The following UBE2D3 variants were observed in gnomAD, a reference collection of about 807,000 sequenced individuals.
UBE2D3 encodes the protein ubiquitin conjugating enzyme E2 D3, also known as ubiquitin-conjugating enzyme E2 D3.
UBE2D3 carries 2 observed loss-of-function variants against 22.8 expected under a neutral mutation model. The ratio of observed to expected loss-of-function variants is 0.09; its 90% CI spans 0.04 to 0.28. UBE2D3 has a LOEUF of 0.28. UBE2D3 is among the 10% of genes least tolerant of loss of function. UBE2D3 has a pLI of 1.00. For synonymous variants in UBE2D3, 56 were observed against 60.4 expected, an observed-to-expected ratio of 0.93 and a Z score of 0.34; for missense variants, 27 against 182.5, an observed-to-expected ratio of 0.15 and a Z score of 4.91.
At chr4:102,808,358 C>T (rs973392407) in intron 4 of UBE2D3, among the ~76,000 whole-genome samples, 5 of 152,094 alleles carry the variant, frequency 3.3e-5, no homozygotes, top group African/African-American at 1.2e-4. Flanking sequence ...ATATTGCTAC[C>T]AAATTAGATA....
intron 2 of UBE2D3, among the ~76,000 whole-genome samples, chr4:102,826,257 T>C (rs1730473489): frequency 6.6e-6 from 1 of 151,924 alleles, no homozygotes; most frequent in African/African-American, 2.4e-5. Flanking sequence ...TTTGCACCGA[T>C]TCCACTGAAG....
intron 1 of UBE2D3, among the ~76,000 whole-genome samples, chr4:102,845,308 A>G (rs1731990910): frequency 6.6e-6 from 1 of 152,226 alleles, no homozygotes; most frequent in South Asian, 2.1e-4. Context: ...GCTTAGGGCA[A>G]TGATTCCCCC....
chr4:102,808,887 T>C (rs1458721822), intron 4 of UBE2D3, among the ~76,000 whole-genome samples: 1 of 152,146 alleles, frequency 6.6e-6, no homozygotes, highest in Non-Finnish European at 1.5e-5. Flanking sequence ...ATTCTAAATA[T>C]TACTTACTGA....
At chr4:102,801,306 A>G (rs1435436766) in intron 6 of UBE2D3, 148 bp downstream of exon 6, 5 of 638,010 alleles carry the variant, frequency 7.8e-6, no homozygotes, top group Middle Eastern at 4.6e-4. Context: ...AATCAACACC[A>G]CTAAAAGAAC....
At chr4:102,856,154 C>T (rs924727769) in intron 1 of UBE2D3, among the ~76,000 whole-genome samples, 1 of 152,222 alleles carries the variant, frequency 6.6e-6, no homozygotes, top group African/African-American at 2.4e-5. Context: ...TCACTTAAGG[C>T]CAGGAGTTCA....
chr4:102,827,678 A>C, upstream of UBE2D3: 1 of 985,916 alleles, frequency 1.0e-6, no homozygotes, highest in Non-Finnish European at 1.2e-6. Flanking sequence ...CTTGCTTCCC[A>C]CGTCCGGGGC....
At chr4:102,864,206 T>G (rs993401326) in intron 1 of UBE2D3, among the ~76,000 whole-genome samples, 3 of 152,202 alleles carry the variant, frequency 2.0e-5, no homozygotes, top group Non-Finnish European at 2.9e-5. Context: ...GAATCAGAAT[T>G]GTAGTCTAAA....
chr4:102,823,139 A>T (rs974707140), intron 2 of UBE2D3, among the ~76,000 whole-genome samples: 3 of 152,220 alleles, frequency 2.0e-5, no homozygotes, highest in African/African-American at 7.2e-5. Context: ...ATGAGACTGC[A>T]TTGTCTTAAC....
intron 2 of UBE2D3, among the ~76,000 whole-genome samples, chr4:102,820,842 TGTAA>T (rs973867866): frequency 2.6e-5 from 4 of 152,192 alleles, no homozygotes; most frequent in African/African-American, 9.6e-5. Context: ...TTAGGATTAA[TGTAA>T]GTATTTCATA....
intron 4 of UBE2D3, 62 bp from the exon 5 acceptor site, chr4:102,802,700 A>G (rs1726375152): frequency 1.5e-6 from 2 of 1,331,968 alleles, no homozygotes; most frequent in East Asian, 4.8e-5. Context: ...ATTCCGTAAC[A>G]TTTGTTTCCA....
At chr4:102,828,612 A>G (rs1395120350), upstream of UBE2D3, among the ~76,000 whole-genome samples, 1 of 151,926 alleles carries the variant, frequency 6.6e-6, no homozygotes. Context: ...ATGTGGGAAC[A>G]AGCTTAAATT....
intron 2 of UBE2D3, among the ~76,000 whole-genome samples, chr4:102,817,317 A>G (rs893407755): frequency 6.6e-6 from 1 of 152,232 alleles, no homozygotes; most frequent in Non-Finnish European, 1.5e-5. Flanking sequence ...TCGAAATAGA[A>G]GACAAATGAG....
intron 4 of UBE2D3, among the ~76,000 whole-genome samples, chr4:102,804,518 A>C (rs760140856): frequency 1.3e-5 from 2 of 151,748 alleles, no homozygotes; most frequent in African/African-American, 2.4e-5. Context: ...TTAGAATGTG[A>C]CCTGAGTTTA....
intron 1 of UBE2D3, among the ~76,000 whole-genome samples, chr4:102,856,415 T>C (rs1308091380): frequency 1.3e-5 from 2 of 152,164 alleles, no homozygotes; most frequent in Non-Finnish European, 2.9e-5. Context: ...CATAGATAAA[T>C]AGCAGGTGGA....
chr4:102,847,399 C>T (rs1732091083), intron 1 of UBE2D3, among the ~76,000 whole-genome samples: 1 of 152,044 alleles, frequency 6.6e-6, no homozygotes, highest in Non-Finnish European at 1.5e-5. Context: ...GATTCTCATG[C>T]CTCAGCCTCC....
chr4:102,839,878 CA>C (rs1338129511), intron 1 of UBE2D3, among the ~76,000 whole-genome samples: 3 of 152,162 alleles, frequency 2.0e-5, no homozygotes, highest in Non-Finnish European at 4.4e-5. Flanking sequence ...AAAATATTTA[CA>C]AACTATTAAT....
At chr4:102,800,814 C>A (rs941292414) in intron 6 of UBE2D3, among the ~76,000 whole-genome samples, 16 of 151,900 alleles carry the variant, frequency 1.1e-4, no homozygotes, top group African/African-American at 3.9e-4. Context: ...CTCATAAAAT[C>A]AAAAAACAAT....
At chr4:102,817,465 T>G (rs1171734112) in intron 2 of UBE2D3, among the ~76,000 whole-genome samples, 1 of 152,212 alleles carries the variant, frequency 6.6e-6, no homozygotes, top group Non-Finnish European at 1.5e-5. Context: ...ATGATTACAT[T>G]CAAGCATAGA....
chr4:102,861,854 A>C (rs1732915972), intron 1 of UBE2D3, among the ~76,000 whole-genome samples: 1 of 151,968 alleles, frequency 6.6e-6, no homozygotes, highest in Non-Finnish European at 1.5e-5. Context: ...ACACTTACAG[A>C]ATTATAGAAA....
Sources: allele counts gnomAD v4.1 joint callset (sites outside exome capture counted in the v4.1 genomes callset), GRCh38; gene constraint gnomAD v4.1.1; transcripts MANE v1.5; gene names NCBI Gene and HGNC (gene_info 2026-07-23, HGNC 2026-07-21).